Variants in ITSN1 observed in about 807,000 individuals in gnomAD.
ITSN1 encodes the protein intersectin 1.
A neutral mutation model predicts 239.8 loss-of-function variants in ITSN1; 58 were observed. The ratio of observed to expected loss-of-function variants is 0.24; its 90% CI spans 0.20 to 0.30. The LOEUF is 0.30. ITSN1 is among the 10% of genes least tolerant of loss of function. ITSN1 has a pLI of 1.00. For synonymous variants in ITSN1, 780 were observed against 770.8 expected (o/e 1.01, Z -0.20); for missense variants, 1,558 against 2,103.3 (o/e 0.74, Z 5.07).
intron 4 of ITSN1, among the ~76,000 whole-genome samples, chr21:33,725,996 T>C (rs2065811106): frequency 6.6e-6 from 1 of 152,142 alleles, no homozygotes; most frequent in Non-Finnish European, 1.5e-5. Context: ...TGTTTGTTTG[T>C]TTGTGTTTAT....
At position 33,859,403 on chromosome 21, in the gene ITSN1, G is replaced by A. The variant is rs77572715; in HGVS notation, c.3890+611G>A. On this transcript the variant is annotated intron_variant, in intron 31 of 39. Transcript: ENST00000381318. ...TAGTTTCCCCATCTGTAAAATGAAA[G>A]GGTTGGATTCGATCATCACAAAGTC... 5.2e-3 allele frequency among the ~76,000 whole-genome samples: 786 copies of A among 152,102 alleles called. 5 individuals are homozygous for A. The highest frequency in any genetic ancestry group is 0.018 in the African/African-American group (747 of 41,458).
At chr21:33,770,326 G>A (rs907951618) in intron 11 of ITSN1, among the ~76,000 whole-genome samples, 12 of 152,168 alleles carry the variant, frequency 7.9e-5, no homozygotes, top group Non-Finnish European at 1.5e-4. Context: ...GCCTCCCAAA[G>A]TGCTGGGATT....
chr21:33,833,866 C>T lies in ITSN1; in HGVS notation c.3352-441C>T, dbSNP rs534635087. ...CAGCCGGGGTGACAGAGCGAGACTC[C>T]GTCTCAAAAAAAAAAAAAAAAAAGA... is the stretch of plus-strand genomic sequence containing the variant. On this transcript the variant is annotated intron_variant, in intron 27 of 39. Transcript: ENST00000381318. Among the ~76,000 whole-genome samples the T allele has an allele frequency of 5.3e-3, 752 of 141,740 alleles. 7 individuals carry two copies. The highest frequency in any genetic ancestry group is 0.019 in the African/African-American group (707 of 37,162). 93.0% of individuals were successfully genotyped at this position (141,740 alleles called of 152,430 possible).
At position 33,782,033 on chromosome 21, in the gene ITSN1, A is replaced by G. The variant is rs755686300; in HGVS notation, c.1724A>G (p.Lys575Arg). ...ACACTTAAAAGAGCCTTAGAAGCAA[A>G]AGAACTAGCTCGGCAGCACCTACGA... ...LVTLKRALEA[K>R]ELARQHLRDQ... Residue 575 changes from lysine (K) to arginine (R), a missense_variant, in exon 16 of 40, where the codon AAA (lysine) becomes AGA (arginine). Coordinates refer to ENST00000381318, the MANE Select transcript of ITSN1 (RefSeq NM_003024.3). The G allele has an allele frequency of 9.9e-6, 16 of 1,613,508 alleles. No individual in the cohort carries two copies. Among genetic ancestry groups the G allele is most frequent in the East Asian group, 2.2e-5 (1 of 44,866 alleles).
intron 22 of ITSN1, among the ~76,000 whole-genome samples, chr21:33,816,852 T>C (rs1242316649): frequency 1.3e-5 from 2 of 152,020 alleles, no homozygotes; most frequent in Admixed American, 6.5e-5. Flanking sequence ...CCCCCTCAGC[T>C]CTGAGGGACT....
intron 1 of ITSN1, among the ~76,000 whole-genome samples, chr21:33,673,123 C>T (rs2090395905): frequency 6.6e-6 from 1 of 152,066 alleles, no homozygotes; most frequent in Non-Finnish European, 1.5e-5. Context: ...ATAGATGAAC[C>T]TGGAGAGCAT....
chr21:33,714,884 C>A (rs1190668989), intron 1 of ITSN1, among the ~76,000 whole-genome samples: 1 of 151,962 alleles, frequency 6.6e-6, no homozygotes, highest in Non-Finnish European at 1.5e-5. Context: ...GAATAACATG[C>A]ATATATGAAT....
chr21:33,707,599 A>G (rs922320393), intron 1 of ITSN1, among the ~76,000 whole-genome samples: 1 of 152,146 alleles, frequency 6.6e-6, no homozygotes. Context: ...TTTTGTCACT[A>G]TAATTAGTTT....
At position 33,698,944 on chromosome 21, in the gene ITSN1, A is replaced by G. The variant is rs190248612; in HGVS notation, c.-32-19853A>G. 1.8e-4 allele frequency among the ~76,000 whole-genome samples: 27 copies of G among 152,250 alleles called. No individual in the cohort carries two copies. The East Asian group carries it at 5.0e-3, about 28-fold the overall frequency. On this transcript the variant is annotated intron_variant, in intron 1 of 39. Coordinates refer to ENST00000381318, the MANE Select transcript of ITSN1 (RefSeq NM_003024.3). ...TTTCTTTAATGTTTTCCAATTTTGA[A>G]TTGTTATAGATGCAAAGCCTTTAAA...
intron 1 of ITSN1, among the ~76,000 whole-genome samples, chr21:33,648,689 A>T (rs1312180003): frequency 6.6e-6 from 1 of 152,104 alleles, no homozygotes; most frequent in Non-Finnish European, 1.5e-5. Context: ...AAAATTTTTT[A>T]AAAAGTAGCC....
rs956588134 is a variant in ITSN1, at chr21:33,802,517, G to A, written c.2319+73G>A. ...TGTCCTTTTAAGTCACTTGAATTCT[G>A]TGTAAGTACACGTATCTCTGGGTGT... On this transcript the variant is annotated intron_variant, in intron 20 of 39. Transcript: ENST00000381318. 19 of 1,438,236 alleles carry A rather than the reference G, an allele frequency of 1.3e-5. No individual in the cohort carries two copies. In the African/African-American group the frequency reaches 1.4e-4, roughly 11 times the overall value. 89.1% of individuals were successfully genotyped at this position (1,438,236 alleles called of 1,614,324 possible).
At position 33,778,571 on chromosome 21, in the gene ITSN1, C is replaced by CTTTTTTTTTT. The variant is rs397948229; in HGVS notation, c.1597-2874_1597-2865dup. 4.1e-4 allele frequency among the ~76,000 whole-genome samples: 26 copies of CTTTTTTTTTT among 63,952 alleles called. 4 individuals carry two copies. Among genetic ancestry groups the CTTTTTTTTTT allele is most frequent in the East Asian group, 2.1e-3 (4 of 1,912 alleles). 42.0% of individuals were successfully genotyped at this position (63,952 alleles called of 152,430 possible). ...TGTATAAAGTTGTTTATAATATTCT[C>CTTTTTTTTTT]TTTTTTTTTTTTTTTTTTTTTTTTT... On this transcript the variant is annotated intron_variant, in intron 14 of 39. Coordinates refer to ENST00000381318, the MANE Select transcript of ITSN1 (RefSeq NM_003024.3).
At chr21:33,828,041 T>C (rs2074069392) in intron 26 of ITSN1, among the ~76,000 whole-genome samples, 1 of 152,248 alleles carries the variant, frequency 6.6e-6, no homozygotes, top group African/African-American at 2.4e-5. Flanking sequence ...AATCTCCGTT[T>C]TAAGTGTAAG....
chr21:33,668,715 A>G (rs1164167793), intron 1 of ITSN1, among the ~76,000 whole-genome samples: 8 of 152,066 alleles, frequency 5.3e-5, no homozygotes, highest in Admixed American at 5.2e-4. Flanking sequence ...CTCTGTGGCC[A>G]TATCTGTAAC....
chr21:33,722,545 T>C (rs749510229), intron 3 of ITSN1, 43 bp from the exon 4 acceptor site: 1 of 368,064 alleles, frequency 2.7e-6, no homozygotes, highest in African/African-American at 2.3e-5. Flanking sequence ...TCAGCTGTTG[T>C]TTTTTTTTTT....
chr21:33,872,714 T>A (rs534843551), intron 33 of ITSN1, among the ~76,000 whole-genome samples: 1 of 152,110 alleles, frequency 6.6e-6, no homozygotes, highest in African/African-American at 2.4e-5. Context: ...GTGTTTTTAG[T>A]GGAGACGGGG....
At chr21:33,648,887 G>T (rs1360943948) in intron 1 of ITSN1, among the ~76,000 whole-genome samples, 2 of 151,928 alleles carry the variant, frequency 1.3e-5, no homozygotes, top group Non-Finnish European at 2.9e-5. Flanking sequence ...GAAAGAGAAA[G>T]AGAAGGAAGG....
At chr21:33,835,866 G>A (rs1213734362) in intron 28 of ITSN1, among the ~76,000 whole-genome samples, 2 of 152,220 alleles carry the variant, frequency 1.3e-5, no homozygotes, top group Admixed American at 1.3e-4. Context: ...TGGAGGTGGA[G>A]GTTGCAGTGA....
chr21:33,654,853 GCC>G (rs2088896837), intron 1 of ITSN1, among the ~76,000 whole-genome samples: 1 of 152,170 alleles, frequency 6.6e-6, no homozygotes, highest in Non-Finnish European at 1.5e-5. Flanking sequence ...ACAGCATTAA[GCC>G]ACTCTCTTCC....
Sources: gnomAD v4.1 joint callset for allele counts (sites outside exome capture counted in the v4.1 genomes callset) on GRCh38, gnomAD v4.1.1 for gene constraint, MANE v1.5 for transcripts, NCBI Gene and HGNC (gene_info 2026-07-23, HGNC 2026-07-21) for gene names.